CALN1: variants seen among roughly 807,000 people sequenced by gnomAD.
CALN1 encodes the protein calcium-binding protein 8.
A neutral mutation model predicts 30.6 loss-of-function variants in CALN1; 17 were observed. The ratio of observed to expected loss-of-function variants is 0.56; its 90% CI spans 0.38 to 0.83. CALN1 has a LOEUF of 0.83. Ranked by LOEUF, CALN1 falls within the 40% of genes least tolerant of loss-of-function variation. The pLI is 0.00. For missense variants in CALN1, 291 were observed against 354.9 expected, an observed-to-expected ratio of 0.82 and a Z score of 1.45; for synonymous variants, 156 against 131.4, an observed-to-expected ratio of 1.19 and a Z score of -1.28.
intron 6 of CALN1, among the ~76,000 whole-genome samples, chr7:71,799,273 A>T (rs902045179): frequency 6.6e-6 from 1 of 152,070 alleles, no homozygotes; most frequent in Admixed American, 6.5e-5. Context: ...GATGGAGAAA[A>T]GGAGACTCTC....
At chr7:72,028,058 CAAAAAAA>C (rs34092922) in intron 4 of CALN1, among the ~76,000 whole-genome samples, 1 of 82,756 alleles carries the variant, frequency 1.2e-5, no homozygotes, top group African/African-American at 3.4e-5. Context: ...GACTCCGTCT[CAAAAAAA>C]AAAAAAAAAA....
At chr7:72,280,615 T>C (rs1360574502) in intron 2 of CALN1, among the ~76,000 whole-genome samples, 1 of 152,206 alleles carries the variant, frequency 6.6e-6, no homozygotes, top group Non-Finnish European at 1.5e-5. Flanking sequence ...CTCTATCTTT[T>C]CCTTAAGGCC....
chr7:71,954,087 G>T (rs1796837723), intron 5 of CALN1, among the ~76,000 whole-genome samples: 1 of 152,252 alleles, frequency 6.6e-6, no homozygotes, highest in Non-Finnish European at 1.5e-5. Flanking sequence ...ACTTTGGGAG[G>T]CTGAGGCAGG....
intron 5 of CALN1, among the ~76,000 whole-genome samples, chr7:71,907,588 C>T (rs890776970): frequency 6.6e-6 from 1 of 152,152 alleles, no homozygotes; most frequent in African/African-American, 2.4e-5. Context: ...AACTTCTGGG[C>T]CCTGAAGTCT....
rs386359911 is a variant in CALN1 at position 72,099,273 on chromosome 7, C to CTTTTT, written c.388+6873_388+6877dup. Among the ~76,000 whole-genome samples the CTTTTT allele has an allele frequency of 3.2e-5, 4 of 125,346 alleles. 1 individual carries two copies. The highest frequency in any genetic ancestry group is 1.7e-5 in the Non-Finnish European group (1 of 60,186). 82.2% of individuals were successfully genotyped at this position (125,346 alleles called of 152,430 possible). ...ATCCTAAGCTTTGCCCCAAACACTCCTTTTTTTTTTTTTTTTTTTTGGCAT... is the reference window on the plus strand; with the variant it reads ...ATCCTAAGCTTTGCCCCAAACACTCCTTTTTTTTTTTTTTTTTTTTTTTTTGGCAT... On this transcript the variant is annotated intron_variant, in intron 4 of 6. Coordinates refer to ENST00000395275, the MANE Select transcript of CALN1 (RefSeq NM_031468.4).
At chr7:72,011,909 C>T (rs1381128939) in intron 5 of CALN1, among the ~76,000 whole-genome samples, 3 of 152,280 alleles carry the variant, frequency 2.0e-5, no homozygotes, top group East Asian at 1.9e-4. Flanking sequence ...GCTGGGATTA[C>T]AGGCATGAGT....
intron 2 of CALN1, among the ~76,000 whole-genome samples, chr7:72,317,193 GAGGGAAGGAGGGAGGGAGGA>G (rs1216988032): frequency 8.0e-6 from 1 of 124,622 alleles, no homozygotes; most frequent in African/African-American, 3.1e-5. Flanking sequence ...GGCAGGAGGG[GAGGGAAGGAGGGAGGGAGGA>G]AGAGAGAAAG....
chr7:72,501,496 A>G, the CALN1 span, among the ~76,000 whole-genome samples: 1 of 143,174 alleles, frequency 7.0e-6, no homozygotes, highest in African/African-American at 2.6e-5. Context: ...GGAAGGAAGG[A>G]AGGATGGAAG....
chr7:71,923,517 T>C (rs1051434967), intron 5 of CALN1, among the ~76,000 whole-genome samples: 2 of 152,168 alleles, frequency 1.3e-5, no homozygotes, highest in Non-Finnish European at 2.9e-5. Context: ...TCTCACTCTA[T>C]TATTCCAAAT....
intron 3 of CALN1, among the ~76,000 whole-genome samples, chr7:72,222,345 AG>A (rs1793367573): frequency 6.6e-6 from 1 of 152,234 alleles, no homozygotes; most frequent in South Asian, 2.1e-4. Flanking sequence ...GCCAGGCCTC[AG>A]GAAACTTGCA....
rs754201004 is a variant in CALN1 at position 72,016,998 on chromosome 7, C to CAAAAAAA, written c.501+6652_501+6658dup. On this transcript the variant is annotated intron_variant, in intron 5 of 6. Coordinates refer to ENST00000395275, the MANE Select transcript of CALN1 (RefSeq NM_031468.4). Reference sequence around the variant, plus strand: ...CAAAACCCCGTGTTTACTAAAAATACAAAAAAAAAAAAAAAAAAAGCTGGG... The same window carrying CAAAAAAA: ...CAAAACCCCGTGTTTACTAAAAATACAAAAAAAAAAAAAAAAAAAAAAAAAAGCTGGG... 4.4e-3 allele frequency among the ~76,000 whole-genome samples: 140 copies of CAAAAAAA among 31,940 alleles called. 15 individuals are homozygous for CAAAAAAA. Among genetic ancestry groups the CAAAAAAA allele is most frequent in the African/African-American group, 0.018 (119 of 6,596 alleles). 21.0% of individuals were successfully genotyped at this position (31,940 alleles called of 152,430 possible).
At chr7:72,364,154 T>C (rs927534915) in intron 2 of CALN1, among the ~76,000 whole-genome samples, 8 of 152,172 alleles carry the variant, frequency 5.3e-5, no homozygotes, top group Non-Finnish European at 7.3e-5. Flanking sequence ...AAAACTTCAG[T>C]AGAGAAGCAT....
At chr7:71,831,885 A>C (rs1363902069) in intron 5 of CALN1, among the ~76,000 whole-genome samples, 92 of 149,790 alleles carry the variant, frequency 6.1e-4, no homozygotes, top group African/African-American at 2.1e-3. Flanking sequence ...AAAAAAAAAA[A>C]AAAAAAAAAA....
At chr7:72,014,886 C>CT (rs1800290256) in intron 5 of CALN1, among the ~76,000 whole-genome samples, 1 of 151,946 alleles carries the variant, frequency 6.6e-6, no homozygotes, top group Non-Finnish European at 1.5e-5. Flanking sequence ...TGGTCTCAAA[C>CT]TCCTGGGCTG....
At chr7:72,344,508 ATGCT>A (rs1802524766) in intron 2 of CALN1, among the ~76,000 whole-genome samples, 2 of 150,028 alleles carry the variant, frequency 1.3e-5, no homozygotes, top group Non-Finnish European at 3.0e-5. Context: ...TATAATTCCA[ATGCT>A]TTCTGTTAAC....
At chr7:71,855,629 G>A (rs1410246628) in intron 5 of CALN1, among the ~76,000 whole-genome samples, 1 of 152,134 alleles carries the variant, frequency 6.6e-6, no homozygotes, top group East Asian at 1.9e-4. Flanking sequence ...AGCACCCAGG[G>A]TGTTGTGGTC....
At chr7:71,970,119 G>A (rs111740288) in intron 5 of CALN1, among the ~76,000 whole-genome samples, 8,112 of 152,138 alleles carry the variant, frequency 0.053, 518 homozygotes, top group African/African-American at 0.16. Context: ...AAAGTGCTAG[G>A]ATTACAGGCA....
chr7:72,461,932 C>T, the CALN1 span, among the ~76,000 whole-genome samples: 19,375 of 151,828 alleles, frequency 0.13, 2,506 homozygotes, highest in African/African-American at 0.33. Flanking sequence ...TGCTTGAGCC[C>T]GGGAGGTGGA....
intron 3 of CALN1, among the ~76,000 whole-genome samples, chr7:72,199,564 T>TA (rs1791276652): frequency 6.6e-6 from 1 of 151,952 alleles, no homozygotes; most frequent in South Asian, 2.1e-4. Flanking sequence ...TACAAACAAT[T>TA]AAAAAGTTAG....
Sources: allele counts gnomAD v4.1 joint callset (sites outside exome capture counted in the v4.1 genomes callset), GRCh38; gene constraint gnomAD v4.1.1; transcripts MANE v1.5; gene names NCBI Gene and HGNC (gene_info 2026-07-23, HGNC 2026-07-21).